ITGAE: variants seen among roughly 807,000 people sequenced by gnomAD.
ITGAE encodes the protein integrin alpha-E.
ITGAE carries 99 observed loss-of-function variants against 136.5 expected under a neutral mutation model. The ratio of observed to expected loss-of-function variants is 0.73; its 90% CI spans 0.62 to 0.86. The LOEUF is 0.86. ITGAE is among the 40% of genes least tolerant of loss of function. ITGAE has a pLI of 0.00. For missense variants in ITGAE, 1,447 were observed against 1,515.3 expected (o/e 0.95, Z 0.75); for synonymous variants, 613 against 591.8 (o/e 1.04, Z -0.52).
At chr17:3,726,554 A>G (rs9896869) in intron 26 of ITGAE, 283,997 of 533,096 alleles carry the variant, frequency 0.53, 77,372 homozygotes, top group African/African-American at 0.63. Context: ...CTAGCCGGGC[A>G]CAGTGGCGTG....
chr17:3,750,537 G>A (rs1295544320), intron 15 of ITGAE, 55 bp from the exon 16 acceptor site: 2 of 1,604,902 alleles, frequency 1.2e-6, no homozygotes, highest in Non-Finnish European at 1.7e-6. Context: ...AAACGGGGCG[G>A]GGAGTCCTTT....
rs138242910 is a variant in ITGAE, at chr17:3,747,941, T to C, written c.2136A>G (p.Val712=). 6.9e-6 allele frequency: 11 copies of C among 1,595,756 alleles called. No homozygotes were observed. The African/African-American group carries it at 1.3e-4, about 20-fold the overall frequency. Residue 712 remains valine (V), a synonymous_variant, in exon 17 of 31, where the codon GTA becomes GTG. Transcript: ENST00000263087. The part of the protein sequence containing the change: ...NVRLCFEISS[V]TTASESGLRE... ...TTTTACCTGACTCAGAGGCTGTGGT[T>C]ACAGAGCTGATTTCAAAACATAAAC...
intron 19 of ITGAE, among the ~76,000 whole-genome samples, chr17:3,741,597 G>A (rs2051590655): frequency 6.6e-6 from 1 of 152,154 alleles, no homozygotes; most frequent in South Asian, 2.1e-4. Context: ...AGTCATCACT[G>A]GTTAAGGAAA....
At chr17:3,775,156 A>C (rs2052511382) in intron 2 of ITGAE, among the ~76,000 whole-genome samples, 1 of 151,930 alleles carries the variant, frequency 6.6e-6, no homozygotes, top group Non-Finnish European at 1.5e-5. Context: ...TCACTGTGTT[A>C]CCCAGGCTGG....
intron 28 of ITGAE, 194 bp from the exon 29 acceptor site, chr17:3,720,596 T>A: frequency 2.3e-6 from 1 of 438,874 alleles, no homozygotes. Flanking sequence ...TTTTTTTTTT[T>A]TTTGAGATGG....
chr17:3,782,397 C>T (rs1380886448), intron 1 of ITGAE, among the ~76,000 whole-genome samples: 5 of 137,310 alleles, frequency 3.6e-5, no homozygotes, highest in African/African-American at 5.5e-5. Flanking sequence ...GATGGAGTTT[C>T]GCTCTTGTCG....
chr17:3,740,846 A>C (rs1297409621), intron 19 of ITGAE, among the ~76,000 whole-genome samples: 1 of 152,200 alleles, frequency 6.6e-6, no homozygotes, highest in African/African-American at 2.4e-5. Flanking sequence ...GAAGGAAGGC[A>C]GCCAGCTCCT....
intron 24 of ITGAE, 148 bp downstream of exon 24, chr17:3,729,330 A>G (rs2051288892): frequency 6.0e-6 from 4 of 666,692 alleles, no homozygotes; most frequent in South Asian, 1.6e-5. Context: ...CTAGAGATCA[A>G]TATCAGAGCC....
rs1366633340 is a variant in ITGAE at position 3,799,379 on chromosome 17, C to G, written c.34+1732G>C. On this transcript the variant is annotated intron_variant, in intron 1 of 30. Transcript: ENST00000263087. This position sits in a 1 kb window ranked among gnomAD's most constrained non-coding sequence, Gnocchi z 4.1. The stretch of plus-strand genomic sequence containing the variant: ...ATGGCAAGTCTGCTCCATCATCGCT[C>G]TCTGCTGCCCATCAGCTTGGGAAGG... Among the ~76,000 whole-genome samples the G allele has an allele frequency of 6.6e-6, 1 of 152,134 alleles. No homozygotes were observed. Among genetic ancestry groups the G allele is most frequent in the Non-Finnish European group, 1.5e-5 (1 of 68,032 alleles).
At chr17:3,726,316 A>G (rs1484754312) in intron 26 of ITGAE, 11 of 1,611,554 alleles carry the variant, frequency 6.8e-6, no homozygotes, top group Non-Finnish European at 9.3e-6. Context: ...CTCTGCCAGC[A>G]CAGTCTGTTT....
Position 3,757,001 on chromosome 17 carries a change from T to A in ITGAE, c.1154A>T (p.Asn385Ile), listed in dbSNP as rs758582268. Residue 385 changes from asparagine to isoleucine, a missense_variant, in exon 10 of 31, where the codon AAC becomes ATC. This residue lies in a region of ITGAE where 310 missense variants were observed against 416.1 expected (regional missense o/e 0.74). Coordinates refer to ENST00000263087, the MANE Select transcript of ITGAE (RefSeq NM_002208.5). ...GCCCTCACCTTCCATGCTGATGATGTTGTACCGCAGTTTGCTCAGCAGCCC... is the reference window on the plus strand; with the variant it reads ...GCCCTCACCTTCCATGCTGATGATGATGTACCGCAGTTTGCTCAGCAGCCC... ...LDGLLSKLRY[N>I]IISMEGTVGD... The A allele has an allele frequency of 3.2e-5, 51 of 1,613,926 alleles. No individual in the cohort carries two copies. The highest frequency in any genetic ancestry group is 4.0e-5 in the African/African-American group (3 of 74,932).
intron 26 of ITGAE, chr17:3,725,047 A>G (rs2051174981): frequency 1.2e-6 from 2 of 1,614,248 alleles, no homozygotes; most frequent in East Asian, 4.5e-5. Context: ...CCCACCCAGG[A>G]CCTGACTCCT....
At chr17:3,735,102 T>C (rs949580709) in intron 20 of ITGAE, among the ~76,000 whole-genome samples, 153 bp from the exon 21 acceptor site, 5 of 152,192 alleles carry the variant, frequency 3.3e-5, no homozygotes, top group African/African-American at 1.2e-4. Flanking sequence ...CAAGTGATCC[T>C]CCCACCTCAG....
At chr17:3,750,974 T>G (rs2051850498) in intron 15 of ITGAE, among the ~76,000 whole-genome samples, 1 of 148,736 alleles carries the variant, frequency 6.7e-6, no homozygotes, top group Non-Finnish European at 1.5e-5. Context: ...GGGGTGGGGA[T>G]AGAGAGAAGG....
chr17:3,741,132 C>T (rs1288103113), intron 19 of ITGAE, among the ~76,000 whole-genome samples: 7 of 129,038 alleles, frequency 5.4e-5, no homozygotes, highest in East Asian at 4.5e-4. Context: ...GGCTGGAGTG[C>T]AGTGGCGCAA....
intron 12 of ITGAE, 63 bp downstream of exon 12, chr17:3,755,054 G>C (rs1350928949): frequency 7.6e-6 from 4 of 526,210 alleles, no homozygotes; most frequent in African/African-American, 1.7e-4. Flanking sequence ...CCCTCGCCCA[G>C]GGAGCCTCCA....
intron 14 of ITGAE, among the ~76,000 whole-genome samples, chr17:3,752,553 C>T (rs996445353): frequency 4.8e-4 from 73 of 152,068 alleles, no homozygotes; most frequent in African/African-American, 1.6e-3. Flanking sequence ...GTCAGGAGTT[C>T]GAGACCAGCC....
chr17:3,773,059 C>G (rs375722778), intron 2 of ITGAE, among the ~76,000 whole-genome samples: 3 of 152,196 alleles, frequency 2.0e-5, no homozygotes, highest in African/African-American at 7.2e-5. Flanking sequence ...AGGCCCATCA[C>G]CAGCCGCCGG....
rs556205470 is a variant in ITGAE, at chr17:3,755,151, C to T, written c.1350G>A (p.Ala450=). 6 of 1,501,262 alleles carry T rather than the reference C, an allele frequency of 4.0e-6. No homozygotes were observed. Among genetic ancestry groups the T allele is most frequent in the East Asian group, 4.7e-5 (2 of 42,818 alleles). 93.0% of individuals were successfully genotyped at this position (1,501,262 alleles called of 1,614,324 possible). Residue 450 remains alanine, a synonymous_variant, in exon 12 of 31, where the codon GCG becomes GCA. Coordinates refer to ENST00000263087, the MANE Select transcript of ITGAE (RefSeq NM_002208.5). ...GRFLNQTAAA[A]ADAEAAQYSY... ...TGTACTGCGCAGCCTCCGCGTCTGCCGCCGCCGCCGCTGTCTGGTTCAGGA... is the reference window on the plus strand; with the variant it reads ...TGTACTGCGCAGCCTCCGCGTCTGCTGCCGCCGCCGCTGTCTGGTTCAGGA...
Sources: allele counts gnomAD v4.1 joint callset (sites outside exome capture counted in the v4.1 genomes callset), GRCh38; gene constraint gnomAD v4.1.1; regional missense constraint gnomAD v4.1.1; non-coding constraint Gnocchi (gnomAD v3.1); transcripts MANE v1.5; gene names NCBI Gene and HGNC (gene_info 2026-07-23, HGNC 2026-07-21).